CSTL1: variants seen among roughly 807,000 people sequenced by gnomAD.
CSTL1 encodes cystatin like 1, also known as cystatin-like 1.
In CSTL1, 14 loss-of-function variants were observed where a neutral mutation model predicts 14.4. The ratio of observed to expected loss-of-function variants is 0.97; its 90% CI spans 0.64 to 1.52. CSTL1 has a LOEUF of 1.52. Ranked by LOEUF, CSTL1 falls within the 40% of genes most tolerant of loss-of-function variation. The pLI is 0.00. For missense variants in CSTL1, 170 were observed against 168.7 expected (o/e 1.01, Z -0.04); for synonymous variants, 72 against 67.5 (o/e 1.07, Z -0.33).
At chr20:23,443,821 G>T in intron 2 of CSTL1, 113 bp from the exon 3 acceptor site, 2 of 725,756 alleles carry the variant, frequency 2.8e-6, no homozygotes, top group Non-Finnish European at 4.7e-6. Flanking sequence ...GGTAAGCTCC[G>T]CGAACAAGAA....
At chr20:23,456,449 C>T in the CSTL1 span, among the ~76,000 whole-genome samples, 13 of 152,278 alleles carry the variant, frequency 8.5e-5, no homozygotes, top group African/African-American at 2.4e-4. Context: ...TGTGTCAGAA[C>T]GAGCAGAGAA....
the CSTL1 span, among the ~76,000 whole-genome samples, chr20:23,454,974 A>T: frequency 6.6e-6 from 1 of 152,134 alleles, no homozygotes; most frequent in African/African-American, 2.4e-5. Flanking sequence ...ACATAGAGGA[A>T]TTTACTCTGT....
At chr20:23,443,077 C>T (rs1986874169) in intron 2 of CSTL1, among the ~76,000 whole-genome samples, 1 of 152,132 alleles carries the variant, frequency 6.6e-6, no homozygotes, top group Non-Finnish European at 1.5e-5. Flanking sequence ...GCTCGTGTAC[C>T]CACCATGCCT....
chr20:23,452,528 G>T, the CSTL1 span: 3 of 1,109,442 alleles, frequency 2.7e-6, no homozygotes, highest in African/African-American at 1.5e-5. Flanking sequence ...TGACACCAGT[G>T]GCCACCCGAT....
At position 23,440,173 on chromosome 20, in the gene CSTL1, G is replaced by A; in HGVS notation, c.-95G>A. On this transcript the variant is annotated 5_prime_UTR_variant, in exon 2 of 4. Coordinates refer to ENST00000347397, the MANE Select transcript of CSTL1 (RefSeq NM_138283.1). Reference sequence around the variant, plus strand: ...GCCATCCCCCAGGAAAGCCTATGTTGGTGAGGGTTATGATGGGAGAATGAG... The same window carrying A: ...GCCATCCCCCAGGAAAGCCTATGTTAGTGAGGGTTATGATGGGAGAATGAG... 7.8e-7 allele frequency: 1 copy of A among 1,289,730 alleles called. No individual in the cohort carries two copies. The highest frequency in any genetic ancestry group is 1.1e-6 in the Non-Finnish European group (1 of 900,798). 79.9% of individuals were successfully genotyped at this position (1,289,730 alleles called of 1,614,324 possible). A position where few individuals can be genotyped will look rare whatever the true frequency, so the allele number is the denominator to read the frequency against.
intron 2 of CSTL1, among the ~76,000 whole-genome samples, chr20:23,443,350 A>G (rs1183621167): frequency 6.6e-6 from 1 of 152,246 alleles, no homozygotes; most frequent in Non-Finnish European, 1.5e-5. Flanking sequence ...TTTAGCCCAC[A>G]TAACAACTCC....
chr20:23,452,308 A>G, the CSTL1 span, among the ~76,000 whole-genome samples: 3 of 152,216 alleles, frequency 2.0e-5, no homozygotes, highest in African/African-American at 7.2e-5. Flanking sequence ...CAGACAAAGC[A>G]CAGGCATGCT....
chr20:23,451,882 C>T, the CSTL1 span: 2 of 1,614,032 alleles, frequency 1.2e-6, no homozygotes, highest in East Asian at 2.2e-5. Flanking sequence ...TGGTCCACTG[C>T]ATTTCCACAT....
At chr20:23,446,514 C>A (rs549920812), downstream of CSTL1, among the ~76,000 whole-genome samples, 1 of 152,090 alleles carries the variant, frequency 6.6e-6, no homozygotes, top group Non-Finnish European at 1.5e-5. Flanking sequence ...CCTCCGCCTC[C>A]CAAAGTGCTG....
chr20:23,439,701 C>T lies in CSTL1; in HGVS notation c.-230C>T, dbSNP rs1986778905. 1 of 161,004 alleles carries T rather than the reference C, an allele frequency of 6.2e-6. No individual in the cohort carries two copies. The highest frequency in any genetic ancestry group is 5.8e-5 in the Admixed American group (1 of 17,388). The allele number at this position is 161,004 out of a possible 1,614,324, so 10.0% of individuals were successfully genotyped here. ...TGCAGGTATAGGGGGATCCTGCAAG[C>T]AGAAATCTGTGGTGGGCGGGCGGCA... On this transcript the variant is annotated 5_prime_UTR_variant, in exon 1 of 4. Coordinates refer to ENST00000347397, the MANE Select transcript of CSTL1 (RefSeq NM_138283.1).
At chr20:23,444,994 G>A (rs576856502), downstream of CSTL1, 90 of 725,750 alleles carry the variant, frequency 1.2e-4, 3 homozygotes, top group South Asian at 3.1e-4. Context: ...GAGTGTACAC[G>A]TACACACACT....
intron 2 of CSTL1, among the ~76,000 whole-genome samples, chr20:23,442,025 A>G (rs1986846377): frequency 6.6e-6 from 1 of 152,258 alleles, no homozygotes; most frequent in Non-Finnish European, 1.5e-5. Flanking sequence ...GATGTTGCCC[A>G]TTTGGTTCTT....
rs776164095 is a variant in CSTL1, at chr20:23,440,411, C to A, written c.144C>A (p.Phe48Leu). The A allele has an allele frequency of 3.1e-6, 5 of 1,614,052 alleles. No homozygotes were observed. The East Asian group carries it at 1.1e-4, about 36-fold the overall frequency. Reference sequence around the variant, plus strand: ...ACATGAATTCAACACTCAACTTCTTCATTCAATCCTACAACAATGCCAGCA... The same window carrying A: ...ACATGAATTCAACACTCAACTTCTTAATTCAATCCTACAACAATGCCAGCA... ...KKNMNSTLNF[F>L]IQSYNNASND... The change falls in exon 2 of 4, where the codon TTC becomes TTA. Residue 48 changes from phenylalanine to leucine, a missense_variant. Transcript: ENST00000347397.
At chr20:23,451,904 T>G in the CSTL1 span, 167 of 1,613,836 alleles carry the variant, frequency 1.0e-4, 1 homozygote, top group East Asian at 3.5e-3. Flanking sequence ...CAGGTGATAC[T>G]CCAGGTGGTC....
In CSTL1 at chr20:23,440,135, T is replaced by C. The variant is rs1986789910; in HGVS notation, c.-124-9T>C. 1.2e-6 allele frequency: 1 copy of C among 824,868 alleles called. No homozygotes were observed. Among genetic ancestry groups the C allele is most frequent in the Non-Finnish European group, 2.0e-6 (1 of 512,348 alleles). 51.1% of individuals were successfully genotyped at this position (824,868 alleles called of 1,614,324 possible). On this transcript the variant is annotated splice_polypyrimidine_tract_variant and intron_variant, in intron 1 of 3. Coordinates refer to ENST00000347397, the MANE Select transcript of CSTL1 (RefSeq NM_138283.1). ...CAAGGTTCAGGTCTGAATCTCTGTT[T>C]AAATGCAGGCAGGCCATCCCCCAGG...
chr20:23,452,161 G>C, the CSTL1 span, among the ~76,000 whole-genome samples: 2 of 152,222 alleles, frequency 1.3e-5, no homozygotes, highest in African/African-American at 4.8e-5. Flanking sequence ...GGTAATGCAA[G>C]TGACGCTAGT....
At chr20:23,452,964 CT>C in the CSTL1 span, 4 of 625,042 alleles carry the variant, frequency 6.4e-6, no homozygotes, top group Non-Finnish European at 1.1e-5. Flanking sequence ...TCATCAGCAG[CT>C]GAACTCGAGG....
the CSTL1 span, chr20:23,451,950 G>A: frequency 5.9e-6 from 9 of 1,534,152 alleles, no homozygotes; most frequent in East Asian, 1.6e-4. Flanking sequence ...GGGAGGCACA[G>A]CTTGTCCCCT....
At chr20:23,446,681 C>G (rs920344402), downstream of CSTL1, among the ~76,000 whole-genome samples, 19 of 152,202 alleles carry the variant, frequency 1.2e-4, no homozygotes, top group African/African-American at 4.3e-4. Context: ...CTCCTCTTCT[C>G]TGGCTGACAG....
Sources: gnomAD v4.1 joint callset for allele counts (sites outside exome capture counted in the v4.1 genomes callset) on GRCh38, gnomAD v4.1.1 for gene constraint, MANE v1.5 for transcripts, NCBI Gene and HGNC (gene_info 2026-07-23, HGNC 2026-07-21) for gene names.